CACNA1A: variants seen among roughly 807,000 people sequenced by gnomAD.
CACNA1A encodes the protein calcium voltage-gated channel subunit alpha1 A, also known as voltage-dependent P/Q-type calcium channel subunit alpha-1A.
Under a neutral mutation model 262.4 loss-of-function variants are expected in CACNA1A, and 57 were observed. That is an observed-to-expected ratio of 0.22 (90% CI 0.18 to 0.27). The LOEUF (loss-of-function observed/expected upper bound fraction) is 0.27. Ranked by LOEUF, CACNA1A falls within the 10% of genes least tolerant of loss-of-function variation. The pLI is 1.00. For missense variants in CACNA1A, 2,526 were observed against 3,562.8 expected, an observed-to-expected ratio of 0.71 and a Z score of 7.41; for synonymous variants, 1,431 against 1,419.3, an observed-to-expected ratio of 1.01 and a Z score of -0.18.
chr19:13,261,838 G>A (rs2056741418), intron 25 of CACNA1A: 1 of 506,480 alleles, frequency 2.0e-6, no homozygotes, highest in Non-Finnish European at 3.5e-6. Context: ...TGGGATACCA[G>A]AGATGCTTTT....
chr19:13,336,999 C>A (rs2058589083), intron 6 of CACNA1A, among the ~76,000 whole-genome samples: 1 of 152,162 alleles, frequency 6.6e-6, no homozygotes, highest in Non-Finnish European at 1.5e-5. Flanking sequence ...CTTTAAAAGC[C>A]CACCTTTAAA....
chr19:13,435,421 G>A (rs537953850), intron 3 of CACNA1A, among the ~76,000 whole-genome samples: 83 of 151,958 alleles, frequency 5.5e-4, no homozygotes, highest in African/African-American at 1.7e-3. Context: ...CAAGCATCTC[G>A]TTATAGCAAT....
intron 33 of CACNA1A, 38 bp downstream of exon 33, chr19:13,235,171 T>C: frequency 3.1e-6 from 5 of 1,603,188 alleles, no homozygotes; most frequent in Non-Finnish European, 4.3e-6. Flanking sequence ...GCTGCCCTCC[T>C]TGGGAGGCTC....
Position 13,308,398 on chromosome 19 carries a change from G to C in CACNA1A, c.1781+18C>G. 1.3e-6 allele frequency: 2 copies of C among 1,576,458 alleles called. No individual in the cohort carries two copies. Among genetic ancestry groups the C allele is most frequent in the Non-Finnish European group, 1.7e-6 (2 of 1,150,482 alleles). On this transcript the variant is annotated intron_variant, in intron 13 of 46. Transcript: ENST00000360228. The surrounding 1 kb of genome is among the most constrained non-coding windows in gnomAD (Gnocchi z 4.2). The stretch of plus-strand genomic sequence containing the variant: ...TCCCCACCCCCTGTACAAATGTCCA[G>C]GAACCCCAAAGACTTACTTTGTGAC...
At chr19:13,485,383 C>T (rs1979850405) in intron 1 of CACNA1A, among the ~76,000 whole-genome samples, 1 of 152,056 alleles carries the variant, frequency 6.6e-6, no homozygotes, top group African/African-American at 2.4e-5. Context: ...TTTCTAAAAT[C>T]AACCACATCA....
At chr19:13,504,214 G>A (rs573927008) in intron 1 of CACNA1A, among the ~76,000 whole-genome samples, 5 of 152,246 alleles carry the variant, frequency 3.3e-5, no homozygotes, top group African/African-American at 4.8e-5. Context: ...GAGTAATCAA[G>A]CCACCCCTGA....
chr19:13,304,898 C>A (rs2057870655), intron 15 of CACNA1A, among the ~76,000 whole-genome samples: 1 of 152,206 alleles, frequency 6.6e-6, no homozygotes, highest in African/African-American at 2.4e-5. Flanking sequence ...GCTGCCTGAG[C>A]AGACTAAGAC....
At chr19:13,499,679 G>C (rs1982137569) in intron 1 of CACNA1A, among the ~76,000 whole-genome samples, 1 of 152,162 alleles carries the variant, frequency 6.6e-6, no homozygotes, top group Admixed American at 6.5e-5. Flanking sequence ...CATCATGCAT[G>C]TCAAGAAATA....
intron 17 of CACNA1A, among the ~76,000 whole-genome samples, chr19:13,302,823 C>T (rs575704041): frequency 6.6e-6 from 1 of 152,180 alleles, no homozygotes; most frequent in Non-Finnish European, 1.5e-5. Context: ...CTGCCAGGGC[C>T]GGCAGATGGA....
chr19:13,261,672 A>G, intron 25 of CACNA1A, 62 bp from the exon 26 acceptor site: 1 of 1,519,760 alleles, frequency 6.6e-7, no homozygotes, highest in Non-Finnish European at 9.0e-7. Context: ...TTCTGCCTCC[A>G]GTGGCCCATC....
At chr19:13,322,358 C>T (rs965897096) in intron 10 of CACNA1A, among the ~76,000 whole-genome samples, 1 of 152,128 alleles carries the variant, frequency 6.6e-6, no homozygotes, top group African/African-American at 2.4e-5. Context: ...AACAGATTCT[C>T]CCCTAAAACC....
At chr19:13,229,048 A>C in intron 36 of CACNA1A, 1 of 203,256 alleles carries the variant, frequency 4.9e-6, no homozygotes. Flanking sequence ...CACAGTCTAC[A>C]TGGGCTACAG....
chr19:13,405,366 GTATTTT>G (rs2059986022), intron 3 of CACNA1A, among the ~76,000 whole-genome samples: 1 of 151,772 alleles, frequency 6.6e-6, no homozygotes, highest in South Asian at 2.1e-4. Flanking sequence ...CTAATTATTT[GTATTTT>G]TATTTTTATT....
At chr19:13,369,190 A>C (rs2059274142) in intron 4 of CACNA1A, among the ~76,000 whole-genome samples, 1 of 152,092 alleles carries the variant, frequency 6.6e-6, no homozygotes, top group Admixed American at 6.6e-5. Context: ...GTTGGTTGCT[A>C]ATGCCTCCCA....
At chr19:13,330,664 T>C (rs2058452116) in intron 9 of CACNA1A, among the ~76,000 whole-genome samples, 3 of 152,160 alleles carry the variant, frequency 2.0e-5, no homozygotes, top group Admixed American at 2.0e-4. Flanking sequence ...GATCTTGGCT[T>C]ACTGCAACCT....
intron 10 of CACNA1A, among the ~76,000 whole-genome samples, chr19:13,328,062 C>T (rs11670072): frequency 6.6e-6 from 1 of 151,968 alleles, no homozygotes; most frequent in South Asian, 2.1e-4. Context: ...TAATGCCTGG[C>T]TAAGTTTTTC....
chr19:13,236,513 C>T lies in CACNA1A; in HGVS notation c.4951-783G>A, dbSNP rs1201655862. ...GGGACTGTTCGGCTGCAGGGTGAGT[C>T]CTCGCTGCCCGCTGAGTCGGAGAAG... On this transcript the variant is annotated intron_variant, in intron 31 of 46. Coordinates refer to ENST00000360228, the MANE Select transcript of CACNA1A (RefSeq NM_001127222.2). The surrounding 1 kb of genome is among the most constrained non-coding windows in gnomAD (Gnocchi z 4.6). 6.5e-6 allele frequency: 1 copy of T among 153,128 alleles called. No individual in the cohort carries two copies. The allele number at this position is 153,128 out of a possible 1,614,324, so 9.5% of individuals were successfully genotyped here.
At chr19:13,208,106 A>G in intron 46 of CACNA1A, 53 bp from the exon 47 acceptor site, 1 of 1,161,910 alleles carries the variant, frequency 8.6e-7, no homozygotes, top group Non-Finnish European at 1.1e-6. Flanking sequence ...AACAAAATCA[A>G]AGGAGACACG....
chr19:13,334,625 G>T, intron 7 of CACNA1A, 132 bp from the exon 8 acceptor site: 1 of 611,408 alleles, frequency 1.6e-6, no homozygotes. Context: ...GGATTCAGAA[G>T]TCCCTGGAGG....
Sources: gnomAD v4.1 joint callset for allele counts (sites outside exome capture counted in the v4.1 genomes callset) on GRCh38, gnomAD v4.1.1 for gene constraint, Gnocchi (gnomAD v3.1) non-coding constraint, MANE v1.5 for transcripts, NCBI Gene and HGNC (gene_info 2026-07-23, HGNC 2026-07-21) for gene names.